The following JPH3 variants were observed in gnomAD, a reference collection of about 807,000 sequenced individuals.
JPH3 encodes the protein junctophilin 3, also known as junctophilin-3.
JPH3 carries 11 observed loss-of-function variants against 59.6 expected under a neutral mutation model. That is an observed-to-expected ratio of 0.18 (90% CI 0.12 to 0.31). The LOEUF is 0.31. Among genes scored for constraint, JPH3 ranks in the 10% least tolerant of loss-of-function variants. JPH3 has a pLI of 1.00. For synonymous variants in JPH3, 673 were observed against 483.6 expected, an observed-to-expected ratio of 1.39 and a Z score of -5.14; for missense variants, 1,202 against 1,105.7, an observed-to-expected ratio of 1.09 and a Z score of -1.24.
chr16:87,605,359 G>A (rs1172334801), intron 1 of JPH3, among the ~76,000 whole-genome samples: 1 of 152,180 alleles, frequency 6.6e-6, no homozygotes, highest in Non-Finnish European at 1.5e-5. Flanking sequence ...TGGAATGTTT[G>A]CTATGAGCCA....
chr16:87,678,920 C>T (rs910465951), intron 2 of JPH3, among the ~76,000 whole-genome samples: 8 of 152,200 alleles, frequency 5.3e-5, no homozygotes, highest in East Asian at 1.9e-4. Flanking sequence ...TAAAGCCTTC[C>T]GATAGGGGTG....
At chr16:87,691,499 C>T (rs751537862) in intron 4 of JPH3, among the ~76,000 whole-genome samples, 2 of 152,044 alleles carry the variant, frequency 1.3e-5, no homozygotes, top group Non-Finnish European at 2.9e-5. Flanking sequence ...GCGTGTGGGC[C>T]GGGCAGGGGG....
chr16:87,662,258 C>T (rs2032728781), intron 2 of JPH3, among the ~76,000 whole-genome samples: 1 of 152,130 alleles, frequency 6.6e-6, no homozygotes. Flanking sequence ...AGCCCCTCTG[C>T]CTGGGGAGGT....
rs939569297 is a variant in JPH3 at position 87,602,574 on chromosome 16, C to G, written c.-573C>G. Among the ~76,000 whole-genome samples, 9 of 142,486 alleles carry G rather than the reference C, an allele frequency of 6.3e-5. No individual in the cohort carries two copies. The highest frequency in any genetic ancestry group is 2.1e-4 in the South Asian group (1 of 4,654). 93.5% of individuals were successfully genotyped at this position (142,486 alleles called of 152,430 possible). On this transcript the variant is annotated 5_prime_UTR_variant, in exon 1 of 5. Coordinates refer to ENST00000284262, the MANE Select transcript of JPH3 (RefSeq NM_020655.4). ...CCGCCGCCGCCGCCGCCCGAGCCGC[C>G]GCATTGCTGCTGCTGCTGCCGCCGC...
At chr16:87,662,500 T>G (rs1465524000) in intron 2 of JPH3, among the ~76,000 whole-genome samples, 1 of 152,082 alleles carries the variant, frequency 6.6e-6, no homozygotes, top group East Asian at 1.9e-4. Context: ...TTGGGTGTAG[T>G]GTCCTGATTT....
chr16:87,687,573 AGAGGCAG>A (rs1213971071), intron 3 of JPH3, among the ~76,000 whole-genome samples: 2 of 152,220 alleles, frequency 1.3e-5, no homozygotes, highest in Non-Finnish European at 2.9e-5. Flanking sequence ...CCCCCGCCCC[AGAGGCAG>A]GAGGACTGAG....
chr16:87,645,184 C>G, intron 2 of JPH3, 149 bp downstream of exon 2: 1 of 802,788 alleles, frequency 1.2e-6, no homozygotes. Context: ...CCCCATGGAA[C>G]CCTAGGGTTC....
At chr16:87,672,694 C>T (rs1415299191) in intron 2 of JPH3, among the ~76,000 whole-genome samples, 1 of 152,218 alleles carries the variant, frequency 6.6e-6, no homozygotes, top group Non-Finnish European at 1.5e-5. Context: ...AGGGTGTCCA[C>T]GTGGCTGGCC....
At chr16:87,694,569 C>T (rs986789563) in intron 4 of JPH3, 5 of 152,308 alleles carry the variant, frequency 3.3e-5, no homozygotes, top group African/African-American at 1.2e-4. Flanking sequence ...GTGTCAAGAG[C>T]AGAGCCGGCC....
intron 1 of JPH3, among the ~76,000 whole-genome samples, chr16:87,637,325 C>G (rs373057775): frequency 6.6e-6 from 1 of 152,080 alleles, no homozygotes; most frequent in Non-Finnish European, 1.5e-5. Flanking sequence ...GCCCTGTGAG[C>G]AGCCATTCCT....
chr16:87,662,395 C>G (rs917703713), intron 2 of JPH3, among the ~76,000 whole-genome samples: 1 of 152,020 alleles, frequency 6.6e-6, no homozygotes, highest in African/African-American at 2.4e-5. Context: ...GGATTTTCCC[C>G]TCTGCCTGAC....
At chr16:87,688,079 C>G (rs1229219430) in intron 3 of JPH3, among the ~76,000 whole-genome samples, 1 of 152,190 alleles carries the variant, frequency 6.6e-6, no homozygotes, top group East Asian at 1.9e-4. Flanking sequence ...CAGCACAGTT[C>G]TACACAGACC....
intron 2 of JPH3, among the ~76,000 whole-genome samples, chr16:87,668,855 C>T (rs2032942031): frequency 6.6e-6 from 1 of 151,618 alleles, no homozygotes; most frequent in Non-Finnish European, 1.5e-5. Context: ...TAACTGGGAC[C>T]CAGACAGCCC....
At chr16:87,667,247 G>A (rs1015549838) in intron 2 of JPH3, among the ~76,000 whole-genome samples, 4 of 152,206 alleles carry the variant, frequency 2.6e-5, no homozygotes, top group South Asian at 2.1e-4. Context: ...CTGTATAACC[G>A]AGGATGCCCT....
At chr16:87,656,058 C>A (rs1293642244) in intron 2 of JPH3, among the ~76,000 whole-genome samples, 2 of 152,202 alleles carry the variant, frequency 1.3e-5, no homozygotes, top group Non-Finnish European at 2.9e-5. Context: ...CAAGCTGCAC[C>A]CCTTGAAAGT....
intron 1 of JPH3, among the ~76,000 whole-genome samples, chr16:87,628,522 CAG>C (rs1222353291): frequency 6.6e-6 from 1 of 152,220 alleles, no homozygotes; most frequent in Non-Finnish European, 1.5e-5. Context: ...AATATTCCTA[CAG>C]AGTGTGGGTT....
At chr16:87,609,863 G>A (rs1266344690) in intron 1 of JPH3, among the ~76,000 whole-genome samples, 1 of 152,152 alleles carries the variant, frequency 6.6e-6, no homozygotes, top group Non-Finnish European at 1.5e-5. Flanking sequence ...ATGGTTTTGG[G>A]ATGATTCAGG....
At chr16:87,685,936 A>G (rs994419335) in intron 3 of JPH3, among the ~76,000 whole-genome samples, 1 of 152,166 alleles carries the variant, frequency 6.6e-6, no homozygotes, top group Non-Finnish European at 1.5e-5. Flanking sequence ...TCATTATGGA[A>G]CAGACTTTGA....
At chr16:87,675,142 C>T (rs998420546) in intron 2 of JPH3, among the ~76,000 whole-genome samples, 1 of 151,546 alleles carries the variant, frequency 6.6e-6, no homozygotes, top group Non-Finnish European at 1.5e-5. Context: ...ATTTCTACCA[C>T]CCCATGCCCC....
Sources: allele counts gnomAD v4.1 joint callset (sites outside exome capture counted in the v4.1 genomes callset), GRCh38; gene constraint gnomAD v4.1.1; transcripts MANE v1.5; gene names NCBI Gene and HGNC (gene_info 2026-07-23, HGNC 2026-07-21).